FRYL: variants seen among roughly 807,000 people sequenced by gnomAD.
The protein encoded by FRYL is protein furry homolog-like.
A neutral mutation model predicts 351.2 loss-of-function variants in FRYL; 150 were observed. The ratio of observed to expected loss-of-function variants is 0.43; its 90% CI spans 0.37 to 0.49. The LOEUF is 0.49. FRYL is among the 20% of genes least tolerant of loss of function. The probability of loss-of-function intolerance (pLI) is 0.00; values close to 1 mark genes in which losing one functional copy is unlikely to be tolerated. For synonymous variants in FRYL, 1,153 were observed against 1,257.1 expected, an observed-to-expected ratio of 0.92 and a Z score of 1.75; for missense variants, 3,036 against 3,619.3, an observed-to-expected ratio of 0.84 and a Z score of 4.13.
intron 32 of FRYL, among the ~76,000 whole-genome samples, 175 bp downstream of exon 32, chr4:48,562,714 A>G (rs1051203680): frequency 2.6e-5 from 4 of 152,184 alleles, no homozygotes; most frequent in African/African-American, 9.6e-5. Context: ...ATAAATTTAA[A>G]TATCTATATT....
intron 8 of FRYL, among the ~76,000 whole-genome samples, 193 bp downstream of exon 8, chr4:48,609,551 G>A (rs1747614419): frequency 6.6e-6 from 1 of 152,064 alleles, no homozygotes. Flanking sequence ...GAGCCCAGGA[G>A]GTCAAGGCTG....
Position 48,623,180 on chromosome 4 carries a change from C to T in FRYL, c.121-1G>A. ...GAAGAGATCTGGACAATAGCTTCTC[C>T]TATGATTAAAAAAAACAAACATTAA... is the stretch of plus-strand genomic sequence containing the variant. On this transcript the variant is annotated splice_acceptor_variant, in intron 4 of 63. Transcript: ENST00000358350. LOFTEE classifies it high-confidence loss of function. The T allele has an allele frequency of 6.9e-7, 1 of 1,445,872 alleles. No individual in the cohort carries two copies. Among genetic ancestry groups the T allele is most frequent in the Non-Finnish European group, 9.4e-7 (1 of 1,062,574 alleles). 89.6% of individuals were successfully genotyped at this position (1,445,872 alleles called of 1,614,324 possible).
intron 59 of FRYL, chr4:48,506,614 T>C (rs1443744490): frequency 9.0e-5 from 7 of 78,008 alleles, no homozygotes; most frequent in African/African-American, 4.3e-4. Context: ...ACAATACAAC[T>C]AATATATATA....
At chr4:48,619,400 A>G (rs767693033) in intron 6 of FRYL, 30 bp from the exon 7 acceptor site, 38 of 1,290,636 alleles carry the variant, frequency 2.9e-5, no homozygotes, top group Non-Finnish European at 4.0e-5. Context: ...TTAGTACTGC[A>G]TTAAGATTAT....
rs1030673360 is a variant in FRYL at position 48,550,799 on chromosome 4, C to T, written c.4521-95G>A. 57 of 936,380 alleles carry T rather than the reference C, an allele frequency of 6.1e-5. No homozygotes were observed. In the East Asian group the frequency reaches 1.0e-3, roughly 17 times the overall value. 58.0% of individuals were successfully genotyped at this position (936,380 alleles called of 1,614,324 possible). ...TCTCTGTTTAAAAAAGGAGGACGGA[C>T]GCCATGGTTCAAGCCTGTAATCCCA... On this transcript the variant is annotated intron_variant, in intron 37 of 63. Coordinates refer to ENST00000358350, the MANE Select transcript of FRYL (RefSeq NM_015030.2).
intron 26 of FRYL, among the ~76,000 whole-genome samples, chr4:48,571,263 A>C (rs188038755): frequency 6.6e-5 from 10 of 152,338 alleles, no homozygotes; most frequent in African/African-American, 1.9e-4. Flanking sequence ...ATACCCTCCC[A>C]AAAATATGAC....
chr4:48,672,889 A>C lies in FRYL; in HGVS notation c.-81+11784T>G, dbSNP rs77768064. ...GCCTGTCATGTTATTCCTCTACCCA[A>C]CATTAAGAGTATCAAACAAAAATCT... On this transcript the variant is annotated intron_variant, in intron 3 of 63. Coordinates refer to ENST00000358350, the MANE Select transcript of FRYL (RefSeq NM_015030.2). 2.6e-5 allele frequency among the ~76,000 whole-genome samples: 4 copies of C among 152,308 alleles called. No individual in the cohort carries two copies. The East Asian group carries it at 7.7e-4, about 29-fold the overall frequency.
chr4:48,544,487 T>C (rs900569060), intron 43 of FRYL, among the ~76,000 whole-genome samples: 9 of 152,214 alleles, frequency 5.9e-5, no homozygotes, highest in Admixed American at 5.9e-4. Context: ...TTTTTTAAGT[T>C]TCCAATTTCT....
At chr4:48,585,108 G>C (rs182679950) in intron 19 of FRYL, among the ~76,000 whole-genome samples, 1 of 152,166 alleles carries the variant, frequency 6.6e-6, no homozygotes, top group Non-Finnish European at 1.5e-5. Context: ...CAAAGATGTA[G>C]ATGAGTTATG....
chr4:48,618,779 T>C (rs1750072112), intron 7 of FRYL: 1 of 152,512 alleles, frequency 6.6e-6, no homozygotes, highest in Non-Finnish European at 1.5e-5. Flanking sequence ...ATTCTAATAC[T>C]CATTGAATGA....
In FRYL at chr4:48,557,661, A is replaced by G; in HGVS notation, c.3917T>C (p.Leu1306Pro). 6.2e-7 allele frequency: 1 copy of G among 1,614,156 alleles called. No individual in the cohort carries two copies. Among genetic ancestry groups the G allele is most frequent in the Non-Finnish European group, 8.5e-7 (1 of 1,179,990 alleles). Residue 1306 changes from leucine (L) to proline (P), a missense_variant, in exon 34 of 64, where the codon CTG becomes CCG. Around this residue, in one of 7 missense-constraint regions of FRYL, gnomAD observed 1,987 missense variants for 2,311.7 expected, o/e 0.86. Coordinates refer to ENST00000358350, the MANE Select transcript of FRYL (RefSeq NM_015030.2). ...TAHPAGRQVM[L>P]HYLLPWMNNI... ...GTTCATCCATGGTAGCAGGTAGTGC[A>G]GCATCACCTGCCGCCCAGCAGGGTG...
intron 1 of FRYL, among the ~76,000 whole-genome samples, chr4:48,738,851 C>T (rs180843784): frequency 6.6e-6 from 1 of 152,110 alleles, no homozygotes; most frequent in African/African-American, 2.4e-5. Flanking sequence ...CCAACTTGAT[C>T]TATAGGGTCA....
chr4:48,523,405 A>C (rs1725315006), intron 53 of FRYL: 1 of 247,424 alleles, frequency 4.0e-6, no homozygotes, highest in South Asian at 6.7e-5. Context: ...TCTAATACAC[A>C]AACATGAATG....
chr4:48,679,681 T>C lies in FRYL; in HGVS notation c.-81+4992A>G, dbSNP rs535441076. Among the ~76,000 whole-genome samples, 24 of 22,100 alleles carry C rather than the reference T, an allele frequency of 1.1e-3. No individual in the cohort carries two copies. The South Asian group carries it at 0.023, about 22-fold the overall frequency. 14.5% of individuals were successfully genotyped at this position (22,100 alleles called of 152,430 possible). On this transcript the variant is annotated intron_variant, in intron 3 of 63. Coordinates refer to ENST00000358350, the MANE Select transcript of FRYL (RefSeq NM_015030.2). ...GTTTCAAACAGCTAGAAGGAAAATA[T>C]TGAATGTTCTAACACAAAGAAATGA...
intron 9 of FRYL, 61 bp downstream of exon 9, chr4:48,608,926 A>G (rs1747435225): frequency 1.0e-6 from 1 of 988,170 alleles, no homozygotes; most frequent in East Asian, 2.4e-5. Flanking sequence ...TATTGTATTC[A>G]TTGGTAATGA....
chr4:48,542,856 C>T (rs1259923587), intron 44 of FRYL, among the ~76,000 whole-genome samples: 1 of 152,180 alleles, frequency 6.6e-6, no homozygotes, highest in East Asian at 1.9e-4. Flanking sequence ...GCCCTCCCTA[C>T]AGATTTCACC....
intron 25 of FRYL, among the ~76,000 whole-genome samples, chr4:48,574,135 A>G (rs966468920): frequency 5.4e-4 from 82 of 152,256 alleles, no homozygotes; most frequent in African/African-American, 1.8e-3. Flanking sequence ...CTTTATTTAT[A>G]TTTTGATTTT....
chr4:48,534,464 A>G, intron 49 of FRYL, 81 bp downstream of exon 49: 1 of 1,091,932 alleles, frequency 9.2e-7, no homozygotes, highest in Non-Finnish European at 1.3e-6. Context: ...ATTCTTCGAC[A>G]TTTAAGGCAT....
At chr4:48,681,569 A>G (rs1036445096) in intron 3 of FRYL, among the ~76,000 whole-genome samples, 1 of 152,184 alleles carries the variant, frequency 6.6e-6, no homozygotes, top group Non-Finnish European at 1.5e-5. Flanking sequence ...GATAATTCTT[A>G]TCATTTTGAA....
Sources: gnomAD v4.1 joint callset for allele counts (sites outside exome capture counted in the v4.1 genomes callset) on GRCh38, gnomAD v4.1.1 for gene constraint, gnomAD v4.1.1 regional missense constraint, MANE v1.5 for transcripts, NCBI Gene and HGNC (gene_info 2026-07-23, HGNC 2026-07-21) for gene names.